Variants in ANKS1A observed in about 807,000 individuals in gnomAD.
ANKS1A encodes ankyrin repeat and SAM domain-containing protein 1A.
A neutral mutation model predicts 120.3 loss-of-function variants in ANKS1A; 55 were observed. The observed-to-expected ratio is 0.46, with a 90% confidence interval of 0.37 to 0.57. ANKS1A has a LOEUF of 0.57. Ranked by LOEUF, ANKS1A falls within the 20% of genes least tolerant of loss-of-function variation. ANKS1A has a pLI of 0.00. For missense variants in ANKS1A, 1,123 were observed against 1,480.3 expected, an observed-to-expected ratio of 0.76 and a Z score of 3.96; for synonymous variants, 590 against 604.7, an observed-to-expected ratio of 0.98 and a Z score of 0.36.
chr6:35,015,856 C>G (rs1249791260), intron 10 of ANKS1A, among the ~76,000 whole-genome samples: 3 of 152,236 alleles, frequency 2.0e-5, no homozygotes, highest in African/African-American at 7.2e-5. Flanking sequence ...TTATAAAGCA[C>G]TGCTCATTTT....
chr6:34,930,022 G>C (rs769948356), intron 1 of ANKS1A, among the ~76,000 whole-genome samples: 1 of 151,894 alleles, frequency 6.6e-6, no homozygotes, highest in African/African-American at 2.4e-5. Context: ...TTTCTTTTTA[G>C]TTATCTTTCA....
chr6:35,079,721 C>A, intron 15 of ANKS1A, 53 bp downstream of exon 15: 3 of 1,613,126 alleles, frequency 1.9e-6, no homozygotes, highest in Non-Finnish European at 2.5e-6. Context: ...CTGAGCTTCC[C>A]TTAGGGGCAG....
chr6:34,912,447 C>T (rs1278631835), intron 1 of ANKS1A, among the ~76,000 whole-genome samples: 2 of 152,168 alleles, frequency 1.3e-5, no homozygotes, highest in African/African-American at 2.4e-5. Context: ...CCAACCTCAA[C>T]CTCAGTAGGG....
the ANKS1A span, among the ~76,000 whole-genome samples, chr6:35,097,686 T>C: frequency 7.2e-6 from 1 of 138,122 alleles, no homozygotes; most frequent in East Asian, 2.1e-4. Flanking sequence ...ACAGCCAAAA[T>C]GCTTGCCCAT....
At chr6:35,016,781 A>AAG (rs61705178) in intron 10 of ANKS1A, among the ~76,000 whole-genome samples, 1,486 of 134,534 alleles carry the variant, frequency 0.011, 30 homozygotes, top group African/African-American at 0.034. Flanking sequence ...AAAAAAAAAA[A>AAG]AGAGAGAGAG....
chr6:35,064,570 C>T (rs922883333), intron 13 of ANKS1A, among the ~76,000 whole-genome samples: 1 of 152,204 alleles, frequency 6.6e-6, no homozygotes, highest in African/African-American at 2.4e-5. Context: ...GGTCCCCAAG[C>T]CCCTGAGGCT....
In ANKS1A at chr6:35,057,727, A is replaced by G. The variant is rs542491738; in HGVS notation, c.2078-2420A>G. On this transcript the variant is annotated intron_variant, in intron 12 of 23. Transcript: ENST00000360359. This position sits in a 1 kb window ranked among gnomAD's most constrained non-coding sequence, Gnocchi z 4.1. ...AGGCCCCAAGAGAAGTCCGTCCCCAATTTGTTTGGTATACTCACCTAAGGA... is the reference window on the plus strand; with the variant it reads ...AGGCCCCAAGAGAAGTCCGTCCCCAGTTTGTTTGGTATACTCACCTAAGGA... 4.5e-4 allele frequency among the ~76,000 whole-genome samples: 69 copies of G among 152,296 alleles called. No homozygotes were observed. Among genetic ancestry groups the G allele is most frequent in the African/African-American group, 1.6e-3 (67 of 41,554 alleles).
intron 11 of ANKS1A, among the ~76,000 whole-genome samples, chr6:35,032,404 T>TTG (rs1349880315): frequency 6.6e-6 from 1 of 152,238 alleles, no homozygotes; most frequent in African/African-American, 2.4e-5. Context: ...ACTACATGCT[T>TTG]TGCTGCTCTT....
intron 11 of ANKS1A, 129 bp downstream of exon 11, chr6:35,018,188 C>A: frequency 1.1e-6 from 1 of 888,708 alleles, no homozygotes; most frequent in Admixed American, 2.6e-5. Context: ...CACTCCGTAA[C>A]TAATGTATTT....
At chr6:34,895,780 CTTTTTTTTTT>C (rs995285475) in intron 1 of ANKS1A, among the ~76,000 whole-genome samples, 20 of 90,386 alleles carry the variant, frequency 2.2e-4, no homozygotes, top group African/African-American at 7.3e-4. Context: ...GAATGTCTTT[CTTTTTTTTTT>C]TTTTTTTTTT....
chr6:34,965,268 G>A (rs1770837294), intron 1 of ANKS1A, among the ~76,000 whole-genome samples: 1 of 152,058 alleles, frequency 6.6e-6, no homozygotes. Context: ...ACATAGCAAT[G>A]TAACTGGTAT....
chr6:35,021,309 A>G (rs1329168961), intron 11 of ANKS1A, among the ~76,000 whole-genome samples: 1 of 151,998 alleles, frequency 6.6e-6, no homozygotes, highest in Non-Finnish European at 1.5e-5. Flanking sequence ...GGCCTAGCTC[A>G]CCTCTTCACT....
chr6:34,974,827 G>T (rs1367575695), intron 3 of ANKS1A, among the ~76,000 whole-genome samples: 1 of 152,130 alleles, frequency 6.6e-6, no homozygotes. Flanking sequence ...TTTTTAAAGT[G>T]TATGTAATGT....
intron 1 of ANKS1A, among the ~76,000 whole-genome samples, chr6:34,924,425 G>T (rs1016411186): frequency 5.9e-5 from 9 of 152,082 alleles, no homozygotes; most frequent in African/African-American, 1.9e-4. Flanking sequence ...TTCTACAAAG[G>T]CATTTTCCTG....
intron 1 of ANKS1A, among the ~76,000 whole-genome samples, chr6:34,940,298 C>A (rs1374345184): frequency 8.5e-5 from 13 of 152,138 alleles, no homozygotes; most frequent in Admixed American, 2.6e-4. Flanking sequence ...GAAGATGGAA[C>A]CAGGAAACCT....
intron 1 of ANKS1A, among the ~76,000 whole-genome samples, chr6:34,892,964 G>C (rs1182842522): frequency 6.6e-6 from 1 of 152,198 alleles, no homozygotes; most frequent in African/African-American, 2.4e-5. Context: ...TTCAGGAACA[G>C]TATAGCATTA....
At chr6:34,947,745 G>T (rs1174857046) in intron 1 of ANKS1A, among the ~76,000 whole-genome samples, 2 of 152,156 alleles carry the variant, frequency 1.3e-5, no homozygotes, top group South Asian at 2.1e-4. Flanking sequence ...CTCCTCAGTT[G>T]GGAGATGTTA....
chr6:34,989,114 G>C, intron 8 of ANKS1A, 110 bp from the exon 9 acceptor site: 1 of 871,724 alleles, frequency 1.1e-6, no homozygotes. Flanking sequence ...TCTCTCAGGG[G>C]AGTTCCATAC....
In ANKS1A at chr6:35,017,539, A is replaced by C. The variant is rs1774088846; in HGVS notation, c.1490A>C (p.Glu497Ala). ...SAEGQDGQVP[E>A]QFSGLLHGSS... is the part of the protein sequence containing the mutation. The stretch of plus-strand genomic sequence containing the variant: ...GAGGGGCAGGACGGGCAGGTCCCAG[A>C]GCAGTTCTCAGGCCTCCTCCACGGC... Residue 497 changes from glutamate (E) to alanine (A), a missense_variant, in exon 11 of 24, where the codon GAG (glutamate) becomes GCG (alanine). Around this residue, in one of 3 missense-constraint regions of ANKS1A, gnomAD observed 904 missense variants for 1,130.4 expected, o/e 0.80. Transcript: ENST00000360359. 1.2e-6 allele frequency: 2 copies of C among 1,613,904 alleles called. No homozygotes were observed. Among genetic ancestry groups the C allele is most frequent in the Non-Finnish European group, 1.7e-6 (2 of 1,179,988 alleles).
Sources: allele counts gnomAD v4.1 joint callset (sites outside exome capture counted in the v4.1 genomes callset), GRCh38; gene constraint gnomAD v4.1.1; regional missense constraint gnomAD v4.1.1; non-coding constraint Gnocchi (gnomAD v3.1); transcripts MANE v1.5; gene names NCBI Gene and HGNC (gene_info 2026-07-23, HGNC 2026-07-21).